The following THSD7B variants were observed in gnomAD, a reference collection of about 807,000 sequenced individuals.
The protein encoded by THSD7B is thrombospondin type-1 domain-containing protein 7B.
THSD7B carries 138 observed loss-of-function variants against 213.6 expected under a neutral mutation model. The observed-to-expected ratio is 0.65, with a 90% CI of 0.56 to 0.74. THSD7B has a LOEUF of 0.74. THSD7B is among the 30% of genes least tolerant of loss of function. THSD7B has a pLI of 0.00. For synonymous variants in THSD7B, 742 were observed against 687.0 expected (o/e 1.08, Z -1.25); for missense variants, 1,931 against 1,991.5 (o/e 0.97, Z 0.58).
At chr2:137,574,107 G>A (rs376702927) in intron 17 of THSD7B, among the ~76,000 whole-genome samples, 1 of 151,966 alleles carries the variant, frequency 6.6e-6, no homozygotes, top group African/African-American at 2.4e-5. Flanking sequence ...CCTCACTTTT[G>A]TTTTTCTAAT....
intron 5 of THSD7B, among the ~76,000 whole-genome samples, chr2:137,127,663 T>C (rs919953574): frequency 2.6e-5 from 4 of 152,168 alleles, no homozygotes; most frequent in African/African-American, 7.2e-5. Flanking sequence ...AGGCCTGTAA[T>C]CTCAGCACTT....
At chr2:136,781,461 A>C (rs76123085) in intron 1 of THSD7B, among the ~76,000 whole-genome samples, 32,338 of 150,348 alleles carry the variant, frequency 0.22, 4,037 homozygotes, top group East Asian at 0.41. Flanking sequence ...TTTTAGAGAC[A>C]CGGTTTCACC....
intron 4 of THSD7B, among the ~76,000 whole-genome samples, chr2:137,101,223 G>T (rs1688143882): frequency 6.6e-6 from 1 of 151,884 alleles, no homozygotes; most frequent in South Asian, 2.1e-4. Flanking sequence ...TTTTTAGTAG[G>T]GACGAGGTTT....
At chr2:136,935,349 C>T (rs907751475) in intron 2 of THSD7B, among the ~76,000 whole-genome samples, 5 of 152,050 alleles carry the variant, frequency 3.3e-5, no homozygotes, top group African/African-American at 1.2e-4. Context: ...ATGATGGGGT[C>T]ATTAAACCTT....
Position 137,616,365 on chromosome 2 carries a change from T to C in THSD7B, c.3565+49T>C, listed in dbSNP as rs746158157. The C allele has an allele frequency of 2.6e-6, 4 of 1,559,998 alleles. No homozygotes were observed. In the African/African-American group the frequency reaches 4.1e-5, roughly 16 times the overall value. On this transcript the variant is annotated intron_variant, in intron 18 of 27. Coordinates refer to ENST00000409968, the MANE Select transcript of THSD7B (RefSeq NM_001316349.2). ...GTCGTTCTCCCTGAACATTGACTAA[T>C]GAGAGAATTTTTGCGTGGGTTTTCA...
chr2:136,997,178 C>A (rs548076414), intron 2 of THSD7B, among the ~76,000 whole-genome samples: 2 of 152,224 alleles, frequency 1.3e-5, no homozygotes, highest in East Asian at 3.9e-4. Flanking sequence ...TGAAAATATT[C>A]CCTGGTGTAG....
chr2:137,456,958 C>T (rs1272293293), intron 15 of THSD7B, among the ~76,000 whole-genome samples: 1 of 152,158 alleles, frequency 6.6e-6, no homozygotes, highest in African/African-American at 2.4e-5. Flanking sequence ...GGTCAGCTAG[C>T]CCCGACTCTG....
rs149755693 is a variant in THSD7B at position 137,632,696 on chromosome 2, CTGCCATAAAA to C, written c.3800-9781_3800-9772del. Among the ~76,000 whole-genome samples the C allele has an allele frequency of 6.5e-3, 995 of 152,252 alleles. 31 individuals carry two copies. Among genetic ancestry groups the C allele is most frequent in the East Asian group, 0.064 (331 of 5,178 alleles). On this transcript the variant is annotated intron_variant, in intron 20 of 27. Coordinates refer to ENST00000409968, the MANE Select transcript of THSD7B (RefSeq NM_001316349.2). The stretch of plus-strand genomic sequence containing the variant: ...AGCAATGTCAAAAGTGCTTAATCTT[CTGCCATAAAA>C]TGCCATAAAAGCAATGTCAAAAGTG...
At chr2:137,246,073 CA>C (rs1413617789) in intron 10 of THSD7B, among the ~76,000 whole-genome samples, 1 of 151,964 alleles carries the variant, frequency 6.6e-6, no homozygotes, top group Non-Finnish European at 1.5e-5. Context: ...AAGCATGGAC[CA>C]GGGACAGACT....
chr2:136,822,244 T>A (rs1682575670), intron 1 of THSD7B, among the ~76,000 whole-genome samples: 1 of 152,120 alleles, frequency 6.6e-6, no homozygotes, highest in Non-Finnish European at 1.5e-5. Flanking sequence ...TGAGACCCCA[T>A]CCAGACCGGC....
At chr2:137,397,371 ATCTC>A (rs1686220657) in intron 12 of THSD7B, among the ~76,000 whole-genome samples, 1 of 151,848 alleles carries the variant, frequency 6.6e-6, no homozygotes, top group African/African-American at 2.4e-5. Context: ...TGGTGACAAA[ATCTC>A]TCAGCATTTG....
chr2:137,317,941 G>A (rs538362858), intron 12 of THSD7B, among the ~76,000 whole-genome samples: 5 of 152,044 alleles, frequency 3.3e-5, no homozygotes, highest in Admixed American at 2.0e-4. Context: ...GGGGAGGGGG[G>A]AAGAAAAAGG....
chr2:137,604,832 T>C (rs946107225), intron 17 of THSD7B, among the ~76,000 whole-genome samples: 2 of 152,242 alleles, frequency 1.3e-5, no homozygotes, highest in African/African-American at 4.8e-5. Context: ...ATGCAAACTG[T>C]GATTTCTTAA....
chr2:137,642,613 T>C lies in THSD7B; in HGVS notation c.3925T>C (p.Trp1309Arg). ...TPCYSWVLGNWSACKLEGGDC... is the reference protein window; with the variant it reads ...TPCYSWVLGNRSACKLEGGDC... Reference sequence around the variant, plus strand: ...CTGCTACAGCTGGGTCCTTGGCAACTGGTCTGCATGTAAATTGGAGGTAGG... The same window carrying C: ...CTGCTACAGCTGGGTCCTTGGCAACCGGTCTGCATGTAAATTGGAGGTAGG... The change falls in exon 21 of 28, where the codon TGG becomes CGG. Residue 1309 changes from tryptophan (W) to arginine (R), a missense_variant. Physicochemically the swap from Trp to Arg is moderately radical, Grantham distance 101. Coordinates refer to ENST00000409968, the MANE Select transcript of THSD7B (RefSeq NM_001316349.2). 6.2e-7 allele frequency: 1 copy of C among 1,613,716 alleles called. No homozygotes were observed. Among genetic ancestry groups the C allele is most frequent in the Non-Finnish European group, 8.5e-7 (1 of 1,179,824 alleles).
chr2:137,547,538 T>C (rs1210183132), intron 15 of THSD7B, among the ~76,000 whole-genome samples: 1 of 152,046 alleles, frequency 6.6e-6, no homozygotes, highest in Non-Finnish European at 1.5e-5. Context: ...TTGTCTTTTC[T>C]CCAAACTACA....
chr2:136,789,581 C>T (rs1002019975), intron 1 of THSD7B, among the ~76,000 whole-genome samples: 3 of 151,954 alleles, frequency 2.0e-5, no homozygotes, highest in Non-Finnish European at 4.4e-5. Flanking sequence ...AGACACTGTA[C>T]CAAGCTGATG....
chr2:137,498,508 G>A (rs1297716282), intron 15 of THSD7B, among the ~76,000 whole-genome samples: 1 of 152,080 alleles, frequency 6.6e-6, no homozygotes, highest in Non-Finnish European at 1.5e-5. Context: ...AAATGATCTA[G>A]AACAGCTTCA....
At chr2:137,414,348 G>C (rs1342404780) in intron 14 of THSD7B, among the ~76,000 whole-genome samples, 2 of 150,234 alleles carry the variant, frequency 1.3e-5, no homozygotes, top group Non-Finnish European at 2.9e-5. Context: ...ACATATACTT[G>C]TCTATCAAAG....
chr2:137,171,027 G>GAA, intron 7 of THSD7B, 89 bp downstream of exon 7: 1 of 1,342,684 alleles, frequency 7.4e-7, no homozygotes, highest in Non-Finnish European at 1.0e-6. Context: ...ATTCTCATGA[G>GAA]GAAGAGAAGC....
Sources: gnomAD v4.1 joint callset for allele counts (sites outside exome capture counted in the v4.1 genomes callset) on GRCh38, gnomAD v4.1.1 for gene constraint, MANE v1.5 for transcripts, NCBI Gene and HGNC (gene_info 2026-07-23, HGNC 2026-07-21) for gene names.